Variants in PCDH15 observed in about 807,000 individuals in gnomAD.
The protein encoded by PCDH15 is protocadherin related 15, also known as protocadherin-15.
Under a neutral mutation model 178.5 loss-of-function variants are expected in PCDH15, and 129 were observed. That is an observed-to-expected ratio of 0.72 (90% confidence interval 0.63 to 0.84). PCDH15 has a LOEUF of 0.84. Ranked by LOEUF, PCDH15 falls within the 40% of genes least tolerant of loss-of-function variation. The pLI, the probability that PCDH15 is intolerant of heterozygous loss-of-function variation, is 0.00. For missense variants in PCDH15, 2,230 were observed against 2,099.9 expected, an observed-to-expected ratio of 1.06 and a Z score of -1.21; for synonymous variants, 800 against 732.0, an observed-to-expected ratio of 1.09 and a Z score of -1.50.
intron 6 of PCDH15, among the ~76,000 whole-genome samples, chr10:54,345,801 C>CAAAAAAAAAAAAAAAAAAAAAAAAAA (rs540507383): frequency 1.9e-5 from 1 of 52,434 alleles, no homozygotes; most frequent in Non-Finnish European, 3.2e-5. Flanking sequence ...GACTCCGTCT[C>CAAAAAAAAAAAAAAAAAAAAAAAAAA]AAAAAAAAAA....
At chr10:54,775,751 G>T (rs1397839451) in intron 1 of PCDH15, among the ~76,000 whole-genome samples, 1 of 152,260 alleles carries the variant, frequency 6.6e-6, no homozygotes, top group African/African-American at 2.4e-5. Context: ...TGGGCGTGGT[G>T]GCGGGCGCCT....
intron 2 of PCDH15, among the ~76,000 whole-genome samples, chr10:54,537,248 C>T (rs928057569): frequency 2.0e-5 from 3 of 152,070 alleles, no homozygotes; most frequent in African/African-American, 7.2e-5. Flanking sequence ...ATCCGCCCGC[C>T]TCGGCCTCCC....
At chr10:54,684,230 G>A (rs2094953266) in intron 1 of PCDH15, among the ~76,000 whole-genome samples, 1 of 151,792 alleles carries the variant, frequency 6.6e-6, no homozygotes, top group Admixed American at 6.6e-5. Flanking sequence ...GTAATACGAA[G>A]AGGTTGTAAA....
chr10:55,433,549 C>T (rs185726726), intron 2 of PCDH15, among the ~76,000 whole-genome samples: 2 of 152,022 alleles, frequency 1.3e-5, no homozygotes, highest in African/African-American at 4.8e-5. Context: ...AACAAACCAG[C>T]CCATATATCC....
intron 2 of PCDH15, among the ~76,000 whole-genome samples, chr10:55,585,924 C>G (rs189453489): frequency 6.6e-6 from 1 of 152,070 alleles, no homozygotes; most frequent in Non-Finnish European, 1.5e-5. Context: ...CTGTTTTCAC[C>G]GTATGGGGTC....
At chr10:55,487,864 G>T (rs1442562742) in intron 2 of PCDH15, among the ~76,000 whole-genome samples, 1 of 151,428 alleles carries the variant, frequency 6.6e-6, no homozygotes, top group African/African-American at 2.4e-5. Context: ...TTGTCTTCAT[G>T]ACTGTATATA....
At chr10:53,979,519 A>T (rs1481344936) in intron 21 of PCDH15, among the ~76,000 whole-genome samples, 1 of 152,170 alleles carries the variant, frequency 6.6e-6, no homozygotes, top group Non-Finnish European at 1.5e-5. Flanking sequence ...ATGGGGATAC[A>T]TTGTTGGCAA....
At chr10:54,007,505 G>A (rs1490940672) in intron 20 of PCDH15, among the ~76,000 whole-genome samples, 1 of 151,912 alleles carries the variant, frequency 6.6e-6, no homozygotes, top group South Asian at 2.1e-4. Flanking sequence ...TATATACAAG[G>A]AAAAAGCCTT....
chr10:54,833,105 C>T (rs10825405), intron 3 of PCDH15, among the ~76,000 whole-genome samples: 102,603 of 151,972 alleles, frequency 0.68, 34,888 homozygotes, highest in Admixed American at 0.75. Flanking sequence ...CCATCACATA[C>T]GTTATCTCAT....
At chr10:54,169,541 T>C (rs2046643196) in intron 13 of PCDH15, among the ~76,000 whole-genome samples, 1 of 147,482 alleles carries the variant, frequency 6.8e-6, no homozygotes, top group Non-Finnish European at 1.5e-5. Flanking sequence ...CTAAATTATC[T>C]GCTTCCCTGA....
At chr10:55,248,292 T>C (rs1841739149) in intron 1 of PCDH15, among the ~76,000 whole-genome samples, 2 of 152,096 alleles carry the variant, frequency 1.3e-5, no homozygotes, top group Admixed American at 1.3e-4. Context: ...ACACTTATTA[T>C]ACATGAACTT....
chr10:54,671,824 A>G (rs1016695028), intron 1 of PCDH15, among the ~76,000 whole-genome samples: 1 of 152,158 alleles, frequency 6.6e-6, no homozygotes, highest in African/African-American at 2.4e-5. Context: ...TAATGAATCA[A>G]ATCCTCGTAT....
intron 3 of PCDH15, among the ~76,000 whole-genome samples, chr10:54,526,229 T>C (rs1231492401): frequency 6.6e-6 from 1 of 152,206 alleles, no homozygotes; most frequent in Non-Finnish European, 1.5e-5. Flanking sequence ...TATAATTACC[T>C]AGTTGGCAAA....
intron 1 of PCDH15, among the ~76,000 whole-genome samples, chr10:55,292,651 GGATTA>G (rs1390750749): frequency 5.3e-5 from 8 of 152,248 alleles, no homozygotes; most frequent in African/African-American, 1.9e-4. Context: ...CAAAGTGCTG[GGATTA>G]GAGGTGTGAG....
intron 3 of PCDH15, among the ~76,000 whole-genome samples, chr10:54,422,481 A>C (rs956038761): frequency 3.9e-5 from 6 of 152,166 alleles, no homozygotes; most frequent in Admixed American, 1.3e-4. Flanking sequence ...TGATTTAATA[A>C]AGGAGCAAGA....
At chr10:54,971,275 T>A (rs1318959329) in intron 2 of PCDH15, among the ~76,000 whole-genome samples, 3 of 152,166 alleles carry the variant, frequency 2.0e-5, no homozygotes, top group African/African-American at 7.2e-5. Context: ...GAGCAAGCCA[T>A]CATGGTTGGA....
At chr10:55,051,911 GA>G (rs1199660775) in intron 2 of PCDH15, among the ~76,000 whole-genome samples, 5 of 152,042 alleles carry the variant, frequency 3.3e-5, no homozygotes, top group Non-Finnish European at 7.4e-5. Flanking sequence ...CTGGCCTTGG[GA>G]AAATAGACTA....
In PCDH15 at chr10:55,285,086, C is replaced by G. The variant is rs561499603; in HGVS notation, c.-156+34513G>C. ...TCTCTGAAGATATTGAGCTTTCCAT[C>G]TATGTTTTCTATAATTCTTTTATAT... is the stretch of plus-strand genomic sequence containing the variant. On this transcript the variant is annotated intron_variant, in intron 1 of 5. Transcript: ENST00000458638. 1.1e-4 allele frequency among the ~76,000 whole-genome samples: 17 copies of G among 150,240 alleles called. No individual in the cohort carries two copies. In the South Asian group the frequency reaches 3.4e-3, roughly 30 times the overall value.
At chr10:55,562,858 G>A (rs964332900) in intron 2 of PCDH15, among the ~76,000 whole-genome samples, 1 of 152,018 alleles carries the variant, frequency 6.6e-6, no homozygotes, top group African/African-American at 2.4e-5. Context: ...GCAAGCACTG[G>A]AAATCTCTTT....
Sources: allele counts gnomAD v4.1 joint callset (sites outside exome capture counted in the v4.1 genomes callset), GRCh38; gene constraint gnomAD v4.1.1; transcripts MANE v1.5; gene names NCBI Gene and HGNC (gene_info 2026-07-23, HGNC 2026-07-21).